The following DZIP1L variants were observed in gnomAD, a reference collection of about 807,000 sequenced individuals.
The protein encoded by DZIP1L is DAZ interacting zinc finger protein 1 like, also known as cilium assembly protein DZIP1L.
DZIP1L carries 90 observed loss-of-function variants against 88.7 expected under a neutral mutation model. The ratio of observed to expected loss-of-function variants is 1.02; its 90% CI spans 0.86 to 1.21. The LOEUF is 1.21. Ranked by LOEUF, DZIP1L falls within the 50% of genes most tolerant of loss-of-function variation. DZIP1L has a pLI of 0.00. For synonymous variants in DZIP1L, 363 were observed against 372.1 expected, an observed-to-expected ratio of 0.98 and a Z score of 0.28; for missense variants, 932 against 955.8, an observed-to-expected ratio of 0.98 and a Z score of 0.33.
Position 138,077,023 on chromosome 3 carries a change from C to CA in DZIP1L, c.1422+475dup, listed in dbSNP as rs200172017. Among the ~76,000 whole-genome samples the CA allele has an allele frequency of 8.4e-4, 121 of 144,226 alleles. 1 individual carries two copies. Among genetic ancestry groups the CA allele is most frequent in the East Asian group, 1.8e-3 (9 of 5,004 alleles). The allele number at this position is 144,226 out of a possible 152,430, so 94.6% of individuals were successfully genotyped here. On this transcript the variant is annotated intron_variant, in intron 11 of 15. Transcript: ENST00000327532. ...TAGGAAAATATAAGTTATTACTTCT[C>CA]AAAAAAAAAAACAAATAATTGGTGT...
intron 14 of DZIP1L, among the ~76,000 whole-genome samples, chr3:138,065,872 AAAG>A (rs1942871506): frequency 2.0e-5 from 3 of 152,258 alleles, no homozygotes; most frequent in Non-Finnish European, 2.9e-5. Flanking sequence ...GAAAATCTTG[AAAG>A]AATGGGAGTA....
chr3:138,064,446 A>G, intron 15 of DZIP1L, 182 bp downstream of exon 15: 1 of 1,577,312 alleles, frequency 6.3e-7, no homozygotes, highest in Admixed American at 1.9e-5. Flanking sequence ...ACTTGGATAC[A>G]AGTATTCCAA....
rs1944400464 is a variant in DZIP1L, at chr3:138,094,939, C to T, written c.631G>A (p.Glu211Lys). Reference sequence around the variant, plus strand: ...GTCCACTTTAGCTTGGCCCGTAGCTCTTCTAACACCTCTTCCACTGGCTGT... The same window carrying T: ...GTCCACTTTAGCTTGGCCCGTAGCTTTTCTAACACCTCTTCCACTGGCTGT... ...QEQPVEEVLE[E>K]LRAKLKWTQG... The change falls in exon 4 of 16, where the codon GAG becomes AAG. Residue 211 changes from glutamate to lysine, a missense_variant. By Grantham distance (56) the Glu-to-Lys change is moderately conservative. Transcript: ENST00000327532. The T allele has an allele frequency of 1.2e-6, 2 of 1,614,080 alleles. No homozygotes were observed. The highest frequency in any genetic ancestry group is 1.3e-5 in the African/African-American group (1 of 74,960).
At chr3:138,109,588 A>T (rs1289273192) in intron 1 of DZIP1L, among the ~76,000 whole-genome samples, 1 of 152,192 alleles carries the variant, frequency 6.6e-6, no homozygotes, top group East Asian at 1.9e-4. Flanking sequence ...ATACAAATTG[A>T]CCCAGCAATC....
chr3:138,093,648 T>C lies in DZIP1L; in HGVS notation c.709-1104A>G, dbSNP rs79751887. The stretch of plus-strand genomic sequence containing the variant: ...TAGCTAGATCTCCAAGATAACTTGC[T>C]GCAGCTTCTACATTAGCACTTGCTG... On this transcript the variant is annotated intron_variant, in intron 4 of 15. Transcript: ENST00000327532. Among the ~76,000 whole-genome samples the C allele has an allele frequency of 6.1e-4, 93 of 152,390 alleles. 2 individuals carry two copies. In the East Asian group the frequency reaches 0.011, roughly 19 times the overall value.
chr3:138,108,313 C>T (rs925768849), intron 1 of DZIP1L: 43 of 760,444 alleles, frequency 5.7e-5, no homozygotes, highest in Non-Finnish European at 6.6e-5. Context: ...TAATAAGACA[C>T]CTGCTTCCTG....
chr3:138,065,058 C>T (rs1942836107), intron 14 of DZIP1L, among the ~76,000 whole-genome samples: 1 of 152,230 alleles, frequency 6.6e-6, no homozygotes, highest in African/African-American at 2.4e-5. Context: ...GAGGCAGGAC[C>T]TCTGCTCAGT....
At chr3:138,104,500 C>A (rs1275803518) in intron 1 of DZIP1L, among the ~76,000 whole-genome samples, 1 of 152,252 alleles carries the variant, frequency 6.6e-6, no homozygotes, top group East Asian at 1.9e-4. Flanking sequence ...CTATTTTTAT[C>A]TCAAGATAAA....
At chr3:138,109,722 A>G (rs1434564872) in intron 1 of DZIP1L, among the ~76,000 whole-genome samples, 2 of 152,250 alleles carry the variant, frequency 1.3e-5, no homozygotes. Context: ...ATGCCCATTA[A>G]TGATAGACTG....
chr3:138,097,639 C>A, intron 3 of DZIP1L, 124 bp downstream of exon 3: 1 of 866,486 alleles, frequency 1.2e-6, no homozygotes, highest in Non-Finnish European at 1.8e-6. Context: ...ATCATCCCAT[C>A]CCCAATTGGA....
In DZIP1L at chr3:138,062,643, C is replaced by A; in HGVS notation, c.*173G>T. 1 of 714,790 alleles carries A rather than the reference C, an allele frequency of 1.4e-6. No homozygotes were observed. The highest frequency in any genetic ancestry group is 2.2e-6 in the Non-Finnish European group (1 of 452,322). 44.3% of individuals were successfully genotyped at this position (714,790 alleles called of 1,614,324 possible). A position where few individuals can be genotyped will look rare whatever the true frequency, so the allele number is the denominator to read the frequency against. On this transcript the variant is annotated 3_prime_UTR_variant, in exon 16 of 16. Coordinates refer to ENST00000327532, the MANE Select transcript of DZIP1L (RefSeq NM_173543.3). ...ACCTGTGGCCATCTACAGCAGGGCC[C>A]CTCACAGGTCAGGAGGGATGAGATC...
intron 1 of DZIP1L, among the ~76,000 whole-genome samples, chr3:138,107,042 G>A (rs1288218778): frequency 6.6e-6 from 1 of 152,148 alleles, no homozygotes; most frequent in Non-Finnish European, 1.5e-5. Flanking sequence ...GATAACAATG[G>A]CAGCTCTGCA....
intron 2 of DZIP1L, among the ~76,000 whole-genome samples, chr3:138,103,236 C>A (rs2042377355): frequency 6.6e-6 from 1 of 151,766 alleles, no homozygotes. Flanking sequence ...AACACGCACA[C>A]CTCCCACACA....
intron 13 of DZIP1L, 78 bp downstream of exon 13, chr3:138,068,073 A>C: frequency 7.8e-7 from 1 of 1,284,686 alleles, no homozygotes; most frequent in Non-Finnish European, 1.0e-6. Context: ...AGAAGCCTGG[A>C]GGGAGCCCAG....
intron 11 of DZIP1L, among the ~76,000 whole-genome samples, chr3:138,076,149 C>T (rs939986836): frequency 7.9e-5 from 12 of 152,230 alleles, no homozygotes; most frequent in Non-Finnish European, 1.6e-4. Flanking sequence ...GAGGGAGCTT[C>T]CCAGAGTGGG....
intron 14 of DZIP1L, among the ~76,000 whole-genome samples, chr3:138,066,502 T>C (rs1429880698): frequency 2.6e-5 from 4 of 152,084 alleles, no homozygotes; most frequent in Admixed American, 2.6e-4. Context: ...TCATACAGAA[T>C]CTCAACTTGC....
At chr3:138,096,859 T>C (rs1944496541) in intron 3 of DZIP1L, among the ~76,000 whole-genome samples, 1 of 152,232 alleles carries the variant, frequency 6.6e-6, no homozygotes, top group African/African-American at 2.4e-5. Context: ...TTTTGTGTTT[T>C]AACAAATATT....
chr3:138,070,946 T>C (rs1300456782), intron 12 of DZIP1L, among the ~76,000 whole-genome samples: 3 of 152,116 alleles, frequency 2.0e-5, no homozygotes, highest in Non-Finnish European at 4.4e-5. Context: ...ATACACTTGC[T>C]CCGTAAGAAC....
At chr3:138,089,260 C>T (rs1274646462) in intron 5 of DZIP1L, 2 of 985,326 alleles carry the variant, frequency 2.0e-6, no homozygotes, top group African/African-American at 3.5e-5. Flanking sequence ...TTAACAATTT[C>T]TAAACTCCCT....
Sources: gnomAD v4.1 joint callset for allele counts (sites outside exome capture counted in the v4.1 genomes callset) on GRCh38, gnomAD v4.1.1 for gene constraint, MANE v1.5 for transcripts, NCBI Gene and HGNC (gene_info 2026-07-23, HGNC 2026-07-21) for gene names.